Variants in BRSK2 observed in about 807,000 individuals in gnomAD.
The protein encoded by BRSK2 is serine/threonine-protein kinase BRSK2.
A neutral mutation model predicts 83.3 loss-of-function variants in BRSK2; 19 were observed. The observed-to-expected ratio is 0.23, with a 90% confidence interval of 0.16 to 0.33. BRSK2 has a LOEUF of 0.33. BRSK2 is among the 10% of genes least tolerant of loss of function. BRSK2 has a pLI of 1.00. For synonymous variants in BRSK2, 519 were observed against 435.4 expected, an observed-to-expected ratio of 1.19 and a Z score of -2.39; for missense variants, 798 against 1,042.3, an observed-to-expected ratio of 0.77 and a Z score of 3.23.
intron 1 of BRSK2, chr11:1,411,271 C>T: frequency 7.6e-7 from 1 of 1,309,988 alleles, no homozygotes; most frequent in Non-Finnish European, 9.7e-7. Context: ...GCCAGATCAG[C>T]AGGAAAGCAG....
In BRSK2 at chr11:1,438,552, G is replaced by A. The variant is rs1013306334; in HGVS notation, c.272+161G>A. Reference sequence around the variant, plus strand: ...CTAGCATGAACACCTGCCTGGGTAGGGTCTCAGCCCAGGCTGCTGTGGTCT... The same window carrying A: ...CTAGCATGAACACCTGCCTGGGTAGAGTCTCAGCCCAGGCTGCTGTGGTCT... On this transcript the variant is annotated intron_variant, in intron 3 of 19. Transcript: ENST00000528841. The surrounding 1 kb of genome is among the most constrained non-coding windows in gnomAD (Gnocchi z 6.4). Among the ~76,000 whole-genome samples the A allele has an allele frequency of 3.3e-5, 5 of 152,144 alleles. No homozygotes were observed. The highest frequency in any genetic ancestry group is 7.4e-5 in the Non-Finnish European group (5 of 68,012).
At chr11:1,442,419 G>C (rs1590584350) in intron 4 of BRSK2, 71 bp from the exon 5 acceptor site, 1 of 1,199,514 alleles carries the variant, frequency 8.3e-7, no homozygotes, top group Non-Finnish European at 1.2e-6. Flanking sequence ...CTCTGGGCAG[G>C]GGGTCTCCAG....
chr11:1,448,234 G>C (rs1351085223), intron 12 of BRSK2, among the ~76,000 whole-genome samples: 2 of 152,204 alleles, frequency 1.3e-5, no homozygotes, highest in African/African-American at 4.8e-5. Flanking sequence ...CAGCCGTCCT[G>C]TGCCCACCTG....
Position 1,390,659 on chromosome 11 carries a change from C to A in BRSK2, c.91+284C>A, listed in dbSNP as rs905046104. ...GCGCACGGGACGGCGCCCCTCGGGC[C>A]CCGCTGCAGGTGCGCGGCCCGGGCC... On this transcript the variant is annotated intron_variant, in intron 1 of 19. Transcript: ENST00000528841. The surrounding 1 kb of genome is among the most constrained non-coding windows in gnomAD (Gnocchi z 6.8). Among the ~76,000 whole-genome samples the A allele has an allele frequency of 1.3e-5, 2 of 148,492 alleles. No homozygotes were observed. Among genetic ancestry groups the A allele is most frequent in the East Asian group, 2.0e-4 (1 of 5,128 alleles).
chr11:1,424,772 G>A (rs1849008487), intron 1 of BRSK2, among the ~76,000 whole-genome samples: 1 of 151,998 alleles, frequency 6.6e-6, no homozygotes, highest in African/African-American at 2.4e-5. Context: ...GAGCCTGCTG[G>A]GGGCTCTGGA....
intron 1 of BRSK2, among the ~76,000 whole-genome samples, chr11:1,418,949 C>T (rs1264319773): frequency 2.0e-5 from 3 of 152,234 alleles, no homozygotes; most frequent in East Asian, 3.8e-4. Context: ...GCCATAAGTG[C>T]CTGTCACTAA....
At chr11:1,402,235 C>T (rs372336302) in intron 1 of BRSK2, among the ~76,000 whole-genome samples, 29 of 152,314 alleles carry the variant, frequency 1.9e-4, no homozygotes, top group African/African-American at 6.7e-4. Flanking sequence ...GCGGGGCAGG[C>T]ACAGCAGGCT....
At chr11:1,444,657 CCT>C (rs1283167041) in intron 8 of BRSK2, among the ~76,000 whole-genome samples, 2 of 152,000 alleles carry the variant, frequency 1.3e-5, no homozygotes, top group African/African-American at 2.4e-5. Context: ...CCTCCCTCCC[CCT>C]CTCCCTCCGC....
At chr11:1,413,324 C>G (rs530854973) in intron 1 of BRSK2, among the ~76,000 whole-genome samples, 45 of 152,246 alleles carry the variant, frequency 3.0e-4, no homozygotes, top group African/African-American at 1.1e-3. Flanking sequence ...CCCCTCCCAC[C>G]CCTGCAGCCC....
At chr11:1,440,659 C>T (rs1056638784) in intron 3 of BRSK2, 129 bp from the exon 4 acceptor site, 2 of 1,271,602 alleles carry the variant, frequency 1.6e-6, no homozygotes, top group Non-Finnish European at 2.1e-6. Flanking sequence ...CAGCTGCCCC[C>T]CCAGCCAGCA....
intron 1 of BRSK2, among the ~76,000 whole-genome samples, chr11:1,426,841 G>C (rs1849290867): frequency 6.6e-6 from 1 of 152,080 alleles, no homozygotes; most frequent in Admixed American, 6.5e-5. Context: ...CATGTGGGGA[G>C]GGCCCTGTAG....
At chr11:1,405,557 A>C (rs1846811160) in intron 1 of BRSK2, among the ~76,000 whole-genome samples, 1 of 151,862 alleles carries the variant, frequency 6.6e-6, no homozygotes, top group Non-Finnish European at 1.5e-5. Context: ...TTCCTCTAGG[A>C]AAACATGCCC....
At chr11:1,458,846 G>A (rs1281750840) in intron 18 of BRSK2, among the ~76,000 whole-genome samples, 6 of 152,178 alleles carry the variant, frequency 3.9e-5, no homozygotes, top group South Asian at 4.1e-4. Flanking sequence ...TGCAGGCCAC[G>A]GCCAGGGCAG....
chr11:1,451,919 T>TG (rs1242826574), intron 15 of BRSK2, among the ~76,000 whole-genome samples: 2 of 152,156 alleles, frequency 1.3e-5, no homozygotes, highest in African/African-American at 4.8e-5. Flanking sequence ...TGAGATGCCC[T>TG]GGGGGCCGCT....
At chr11:1,422,947 A>C (rs1590421770) in intron 1 of BRSK2, among the ~76,000 whole-genome samples, 1 of 152,206 alleles carries the variant, frequency 6.6e-6, no homozygotes, top group Non-Finnish European at 1.5e-5. Flanking sequence ...GAGGTCTCTC[A>C]GACCTGGGTT....
At chr11:1,406,894 G>C (rs531345111) in intron 1 of BRSK2, among the ~76,000 whole-genome samples, 3 of 152,026 alleles carry the variant, frequency 2.0e-5, no homozygotes, top group Admixed American at 6.5e-5. Flanking sequence ...CTGCATATCT[G>C]TGTGTCTGTG....
chr11:1,433,344 C>T (rs117353427), intron 1 of BRSK2, among the ~76,000 whole-genome samples: 2 of 152,252 alleles, frequency 1.3e-5, no homozygotes, highest in African/African-American at 4.8e-5. Context: ...CTCATGATGC[C>T]CTGGGGCAGG....
intron 5 of BRSK2, among the ~76,000 whole-genome samples, chr11:1,442,880 C>T (rs1851540316): frequency 6.6e-6 from 1 of 152,150 alleles, no homozygotes; most frequent in African/African-American, 2.4e-5. Context: ...TGGGGACCCC[C>T]TGGCCCCTGC....
intron 12 of BRSK2, chr11:1,447,876 A>C (rs1397889739): frequency 1.3e-6 from 2 of 1,591,270 alleles, no homozygotes; most frequent in Admixed American, 3.4e-5. Flanking sequence ...ATACACCCCG[A>C]CCACCCGTCC....
Sources: gnomAD v4.1 joint callset for allele counts (sites outside exome capture counted in the v4.1 genomes callset) on GRCh38, gnomAD v4.1.1 for gene constraint, Gnocchi (gnomAD v3.1) non-coding constraint, MANE v1.5 for transcripts, NCBI Gene and HGNC (gene_info 2026-07-23, HGNC 2026-07-21) for gene names.